The following ERGIC2 variants were observed in gnomAD, a reference collection of about 807,000 sequenced individuals.
ERGIC2 encodes ERGIC and golgi 2.
A neutral mutation model predicts 52.5 loss-of-function variants in ERGIC2; 31 were observed. That is an observed-to-expected ratio of 0.59 (90% CI 0.44 to 0.80). The LOEUF is 0.80. Among genes scored for constraint, ERGIC2 ranks in the 30% least tolerant of loss-of-function variants. The pLI is 0.00. For missense variants in ERGIC2, 395 were observed against 455.2 expected, an observed-to-expected ratio of 0.87 and a Z score of 1.20; for synonymous variants, 129 against 140.6, an observed-to-expected ratio of 0.92 and a Z score of 0.58.
chr12:29,367,047 C>CCCA, intron 4 of ERGIC2, 100 bp from the exon 5 acceptor site: 2 of 261,634 alleles, frequency 7.6e-6, no homozygotes, highest in Non-Finnish European at 6.6e-6. Flanking sequence ...ACTCACCAAG[C>CCCA]AAAAAAAAAA....
chr12:29,376,842 A>G (rs941826022), intron 1 of ERGIC2, among the ~76,000 whole-genome samples: 1 of 152,332 alleles, frequency 6.6e-6, no homozygotes, highest in African/African-American at 2.4e-5. Context: ...TTTTCTAGTC[A>G]TGGACAACGT....
At position 29,340,408 on chromosome 12, in the gene ERGIC2, GCT is replaced by G. The variant is rs2136844343; in HGVS notation, c.*746_*747del. The G allele has an allele frequency of 6.6e-6, 1 of 152,336 alleles. No homozygotes were observed. The highest frequency in any genetic ancestry group is 1.9e-4 in the East Asian group (1 of 5,194). 9.4% of individuals were successfully genotyped at this position (152,336 alleles called of 1,614,324 possible). On this transcript the variant is annotated 3_prime_UTR_variant, in exon 14 of 14. Transcript: ENST00000360150. ...CTTGGCATCTTTTTTAAAAAAATGT[GCT>G]TTCTTTTCCGTGTATAAGATTCTAC...
chr12:29,347,683 C>T (rs945518092), intron 10 of ERGIC2, among the ~76,000 whole-genome samples: 2 of 152,084 alleles, frequency 1.3e-5, no homozygotes, highest in African/African-American at 2.4e-5. Flanking sequence ...TTCTGGAGAA[C>T]ATCAGGAAAG....
intron 5 of ERGIC2, 61 bp from the exon 6 acceptor site, chr12:29,361,746 A>T: frequency 7.1e-7 from 1 of 1,407,308 alleles, no homozygotes; most frequent in East Asian, 2.4e-5. Context: ...TTACATCATA[A>T]TTTAAAATTT....
intron 5 of ERGIC2, among the ~76,000 whole-genome samples, chr12:29,362,267 T>C (rs1008730059): frequency 6.6e-6 from 1 of 152,112 alleles, no homozygotes; most frequent in African/African-American, 2.4e-5. Flanking sequence ...ATCCACAATT[T>C]AATTTTGCAA....
chr12:29,350,312 A>T (rs1940114038), intron 8 of ERGIC2, among the ~76,000 whole-genome samples: 1 of 152,146 alleles, frequency 6.6e-6, no homozygotes, highest in African/African-American at 2.4e-5. Context: ...GTGGACCATG[A>T]TGCAAAATCA....
chr12:29,359,727 AAGAG>A (rs1940256969), intron 6 of ERGIC2, among the ~76,000 whole-genome samples: 1 of 152,026 alleles, frequency 6.6e-6, no homozygotes, highest in African/African-American at 2.4e-5. Flanking sequence ...TGGAAATTAA[AAGAG>A]AAAGACTCTT....
intron 6 of ERGIC2, among the ~76,000 whole-genome samples, chr12:29,360,077 T>TA (rs1336482164): frequency 6.6e-6 from 1 of 152,004 alleles, no homozygotes; most frequent in African/African-American, 2.4e-5. Context: ...GGCATACATT[T>TA]AAAAAAATTC....
At position 29,356,459 on chromosome 12, in the gene ERGIC2, C is replaced by T. The variant is rs758690086; in HGVS notation, c.495G>A (p.Gln165=). Residue 165 remains glutamine (Q), a synonymous_variant, in exon 8 of 14, where the codon CAG becomes CAA. Transcript: ENST00000360150. ...ALPPREDDSS[Q]SPNACRIHGH... ...CATGAATTCTGCATGCATTTGGAGA[C>T]TGTGATGAATCATCTTCTCTGTTAA... The T allele has an allele frequency of 3.8e-6, 6 of 1,585,624 alleles. No individual in the cohort carries two copies. Among genetic ancestry groups the T allele is most frequent in the Non-Finnish European group, 5.2e-6 (6 of 1,154,646 alleles).
At chr12:29,363,186 T>C (rs1387765063) in intron 5 of ERGIC2, among the ~76,000 whole-genome samples, 4 of 152,194 alleles carry the variant, frequency 2.6e-5, no homozygotes, top group African/African-American at 9.6e-5. Flanking sequence ...AATTCAGCTC[T>C]GTCAGATTTC....
At position 29,356,448 on chromosome 12, in the gene ERGIC2, G is replaced by GCA; in HGVS notation, c.504_505dup (p.Ala169ValfsTer14). 6.3e-7 allele frequency: 1 copy of GCA among 1,598,860 alleles called. No individual in the cohort carries two copies. The highest frequency in any genetic ancestry group is 8.6e-7 in the Non-Finnish European group (1 of 1,166,428). On this transcript the variant is annotated frameshift_variant, in exon 8 of 14. Transcript: ENST00000360150. LOFTEE classifies it high-confidence loss of function. ...ATATAGATGGCCATGAATTCTGCAT[G>GCA]CATTTGGAGACTGTGATGAATCATC...
At chr12:29,348,555 T>C (rs1940088930) in intron 10 of ERGIC2, among the ~76,000 whole-genome samples, 2 of 151,958 alleles carry the variant, frequency 1.3e-5, no homozygotes, top group African/African-American at 2.4e-5. Context: ...AATAGAACAT[T>C]TTAAAAAGGT....
At chr12:29,351,958 T>C (rs1940136639) in intron 8 of ERGIC2, among the ~76,000 whole-genome samples, 1 of 152,224 alleles carries the variant, frequency 6.6e-6, no homozygotes, top group Admixed American at 6.5e-5. Flanking sequence ...AATAGTGTCA[T>C]TGCTTAATAC....
intron 10 of ERGIC2, among the ~76,000 whole-genome samples, chr12:29,347,276 G>A (rs867077895): frequency 2.0e-5 from 3 of 152,172 alleles, no homozygotes; most frequent in Non-Finnish European, 4.4e-5. Flanking sequence ...CTACCATTAG[G>A]AAAGTGAGCC....
intron 5 of ERGIC2, among the ~76,000 whole-genome samples, chr12:29,363,624 T>A (rs1382488053): frequency 6.6e-6 from 1 of 152,008 alleles, no homozygotes; most frequent in Non-Finnish European, 1.5e-5. Context: ...GCAGAAACTG[T>A]TTACAATGAA....
At chr12:29,357,189 C>T (rs1039818346) in intron 7 of ERGIC2, among the ~76,000 whole-genome samples, 1 of 151,968 alleles carries the variant, frequency 6.6e-6, no homozygotes, top group African/African-American at 2.4e-5. Flanking sequence ...AGGCTGGTCT[C>T]GAACTCCTGA....
At position 29,366,927 on chromosome 12, in the gene ERGIC2, C is replaced by A. The variant is rs1189220700; in HGVS notation, c.283G>T (p.Asp95Tyr). Residue 95 changes from aspartate to tyrosine, a missense_variant, in exon 5 of 14, where the codon GAT becomes TAT. Asp to Tyr is a radical substitution (Grantham distance 160). Transcript: ENST00000360150. ...GATGCAACCATTGTTTCTGCTAAAT[C>A]CAATACATCCGCTCCAACATCTGCA... ...KCQYVGADVL[D>Y]LAETMVASAD... 2 of 1,600,086 alleles carry A rather than the reference C, an allele frequency of 1.2e-6. No individual in the cohort carries two copies. Among genetic ancestry groups the A allele is most frequent in the Non-Finnish European group, 1.7e-6 (2 of 1,172,386 alleles).
intron 1 of ERGIC2, among the ~76,000 whole-genome samples, chr12:29,380,108 C>G (rs766214935): frequency 1.3e-5 from 2 of 151,842 alleles, no homozygotes; most frequent in Non-Finnish European, 2.9e-5. Context: ...CACCGCCAAC[C>G]CCCACCCTCC....
At chr12:29,351,918 A>G (rs185258436) in intron 8 of ERGIC2, among the ~76,000 whole-genome samples, 1 of 152,312 alleles carries the variant, frequency 6.6e-6, no homozygotes, top group Admixed American at 6.5e-5. Context: ...GGCACCATCA[A>G]CAGATACTGT....
Sources: allele counts gnomAD v4.1 joint callset (sites outside exome capture counted in the v4.1 genomes callset), GRCh38; gene constraint gnomAD v4.1.1; transcripts MANE v1.5; gene names NCBI Gene and HGNC (gene_info 2026-07-23, HGNC 2026-07-21).